Variants in PARN observed in about 807,000 individuals in gnomAD.
PARN encodes the protein poly(A)-specific ribonuclease PARN.
PARN carries 71 observed loss-of-function variants against 102.8 expected under a neutral mutation model. That is an observed-to-expected ratio of 0.69 (90% CI 0.57 to 0.84). The LOEUF (loss-of-function observed/expected upper bound fraction) is 0.84. Among genes scored for constraint, PARN ranks in the 40% least tolerant of loss-of-function variants. PARN has a pLI of 0.00. For synonymous variants in PARN, 261 were observed against 252.9 expected (o/e 1.03, Z -0.30); for missense variants, 782 against 760.9 (o/e 1.03, Z -0.33).
chr16:14,591,411 T>C (rs1970187342), intron 13 of PARN, among the ~76,000 whole-genome samples: 1 of 151,710 alleles, frequency 6.6e-6, no homozygotes, highest in South Asian at 2.1e-4. Context: ...AAAAAAATTA[T>C]TTAAAATAAG....
At chr16:14,622,924 T>C (rs1972409665) in intron 5 of PARN, among the ~76,000 whole-genome samples, 1 of 151,640 alleles carries the variant, frequency 6.6e-6, no homozygotes, top group African/African-American at 2.4e-5. Flanking sequence ...GGCAACATGG[T>C]AAAACCTTGG....
chr16:14,449,852 G>C (rs1360946444), intron 22 of PARN, among the ~76,000 whole-genome samples: 2 of 152,140 alleles, frequency 1.3e-5, no homozygotes, highest in African/African-American at 4.8e-5. Context: ...TCCATTAGTA[G>C]ACTGGGGAAA....
chr16:14,476,155 T>A (rs539577123), intron 22 of PARN, among the ~76,000 whole-genome samples: 1 of 152,264 alleles, frequency 6.6e-6, no homozygotes, highest in African/African-American at 2.4e-5. Context: ...GTGAACCAGA[T>A]ATATAATTAA....
At chr16:14,532,174 A>ATTTT (rs35785901) in intron 21 of PARN, among the ~76,000 whole-genome samples, 1 of 138,284 alleles carries the variant, frequency 7.2e-6, no homozygotes. Context: ...TCAAACTCTG[A>ATTTT]TTTTTTTTTT....
At chr16:14,583,497 C>G (rs1255331500) in intron 16 of PARN, among the ~76,000 whole-genome samples, 2 of 152,168 alleles carry the variant, frequency 1.3e-5, no homozygotes, top group Non-Finnish European at 2.9e-5. Flanking sequence ...CCATCATCAA[C>G]TGAGACACAT....
chr16:14,613,011 G>A (rs971246088), intron 6 of PARN, among the ~76,000 whole-genome samples: 4 of 146,830 alleles, frequency 2.7e-5, no homozygotes, highest in Non-Finnish European at 6.0e-5. Flanking sequence ...GACACGGGTG[G>A]TATTAAAATC....
chr16:14,440,228 C>CA (rs1032152852), intron 23 of PARN, among the ~76,000 whole-genome samples: 12 of 151,950 alleles, frequency 7.9e-5, no homozygotes, highest in African/African-American at 2.7e-4. Context: ...ATCTGGATGG[C>CA]AAAAAATCAC....
At chr16:14,520,521 A>C (rs941646552) in intron 21 of PARN, among the ~76,000 whole-genome samples, 1 of 151,948 alleles carries the variant, frequency 6.6e-6, no homozygotes, top group Non-Finnish European at 1.5e-5. Flanking sequence ...CTTAGGAGTA[A>C]CATATCGAAA....
At chr16:14,511,262 T>C (rs1416477318) in intron 21 of PARN, among the ~76,000 whole-genome samples, 1 of 151,010 alleles carries the variant, frequency 6.6e-6, no homozygotes, top group African/African-American at 2.5e-5. Context: ...TCATTATCTT[T>C]TAAAGGTCAA....
chr16:14,475,868 A>C (rs561768481), intron 22 of PARN, among the ~76,000 whole-genome samples: 232 of 152,130 alleles, frequency 1.5e-3, no homozygotes, highest in Non-Finnish European at 2.8e-3. Context: ...GACTAATAAC[A>C]GTTTAAAGAA....
At position 14,629,533 on chromosome 16, in the gene PARN, G is replaced by A. The variant is rs1031887841; in HGVS notation, c.97+64C>T. ...CCAAGCATAAGAAGTTGGGGGCTGGGGGATTGAAGGAGCCTTGGCTATGCA... is the reference window on the plus strand; with the variant it reads ...CCAAGCATAAGAAGTTGGGGGCTGGAGGATTGAAGGAGCCTTGGCTATGCA... On this transcript the variant is annotated intron_variant, in intron 2 of 23. Transcript: ENST00000437198. 5.5e-5 allele frequency: 65 copies of A among 1,183,688 alleles called. No homozygotes were observed. In the African/African-American group the frequency reaches 8.9e-4, roughly 16 times the overall value. 73.3% of individuals were successfully genotyped at this position (1,183,688 alleles called of 1,614,324 possible).
In PARN at chr16:14,547,008, G is replaced by T. The variant is rs893562620; in HGVS notation, c.1480+5013C>A. Among the ~76,000 whole-genome samples, 5 of 151,690 alleles carry T rather than the reference G, an allele frequency of 3.3e-5. No homozygotes were observed. The East Asian group carries it at 9.7e-4, about 29-fold the overall frequency. On this transcript the variant is annotated intron_variant, in intron 21 of 23. Transcript: ENST00000437198. ...CTCAGGAGGCTGAGGCAGGAGAATT[G>T]CTTGAACCTAGGAGGCAGAAGTTGC...
intron 22 of PARN, among the ~76,000 whole-genome samples, chr16:14,465,199 C>A (rs1962255105): frequency 6.6e-6 from 1 of 152,122 alleles, no homozygotes; most frequent in African/African-American, 2.4e-5. Context: ...TCCCGAGTAG[C>A]TGGGACTACA....
At chr16:14,586,463 C>T in intron 13 of PARN, 102 bp from the exon 14 acceptor site, 1 of 690,848 alleles carries the variant, frequency 1.4e-6, no homozygotes, top group South Asian at 1.8e-5. Flanking sequence ...CTCAAACAAG[C>T]TGTTGGGGCC....
rs138434480 is a variant in PARN at position 14,539,786 on chromosome 16, C to G, written c.1480+12235G>C. Among the ~76,000 whole-genome samples the G allele has an allele frequency of 5.6e-3, 859 of 152,340 alleles. 9 individuals carry two copies. The highest frequency in any genetic ancestry group is 6.8e-3 in the Middle Eastern group (2 of 294). On this transcript the variant is annotated intron_variant, in intron 21 of 23. Transcript: ENST00000437198. ...CTTGCCTGTTAAAAAGAAATACTGTCAGCCCTCCATATCTGTGGGTTTCCC... is the reference window on the plus strand; with the variant it reads ...CTTGCCTGTTAAAAAGAAATACTGTGAGCCCTCCATATCTGTGGGTTTCCC...
chr16:14,599,845 A>G, intron 12 of PARN, 59 bp downstream of exon 12: 1 of 982,490 alleles, frequency 1.0e-6, no homozygotes, highest in South Asian at 1.4e-5. Flanking sequence ...AATGATAATT[A>G]GATACTTCAC....
chr16:14,589,618 C>T (rs1333623659), intron 13 of PARN, among the ~76,000 whole-genome samples: 2 of 150,648 alleles, frequency 1.3e-5, no homozygotes, highest in Non-Finnish European at 2.9e-5. Context: ...GTAATCGCAA[C>T]ACTTTGGGAG....
intron 22 of PARN, among the ~76,000 whole-genome samples, chr16:14,461,900 C>T (rs1962005473): frequency 6.6e-6 from 1 of 152,180 alleles, no homozygotes; most frequent in African/African-American, 2.4e-5. Context: ...AATGAATGTG[C>T]AGACACACAG....
chr16:14,619,729 G>A (rs556013232), intron 5 of PARN, among the ~76,000 whole-genome samples: 3 of 151,784 alleles, frequency 2.0e-5, no homozygotes, highest in South Asian at 2.1e-4. Flanking sequence ...TGATCACACC[G>A]CTGGACTCCA....
Sources: gnomAD v4.1 joint callset for allele counts (sites outside exome capture counted in the v4.1 genomes callset) on GRCh38, gnomAD v4.1.1 for gene constraint, MANE v1.5 for transcripts, NCBI Gene and HGNC (gene_info 2026-07-23, HGNC 2026-07-21) for gene names.